ARHGDIA: variants seen among roughly 807,000 people sequenced by gnomAD.
ARHGDIA encodes rho GDP-dissociation inhibitor 1.
ARHGDIA carries 9 observed loss-of-function variants against 25.0 expected under a neutral mutation model. The ratio of observed to expected loss-of-function variants is 0.36; its 90% CI spans 0.22 to 0.63. The LOEUF (loss-of-function observed/expected upper bound fraction) is 0.63, where lower values mean the gene tolerates loss of function less well. Ranked by LOEUF, ARHGDIA falls within the 20% of genes least tolerant of loss-of-function variation. The probability of loss-of-function intolerance (pLI) is 0.69; values close to 1 mark genes in which losing one functional copy is unlikely to be tolerated. For missense variants in ARHGDIA, 239 were observed against 264.3 expected (o/e 0.90, Z 0.66); for synonymous variants, 166 against 111.5 (o/e 1.49, Z -3.08).
At position 81,868,423 on chromosome 17, in the gene ARHGDIA, G is replaced by T. The variant is rs923534695; in HGVS notation, c.*453C>A. On this transcript the variant is annotated 3_prime_UTR_variant, in exon 6 of 6. Coordinates refer to ENST00000269321, the MANE Select transcript of ARHGDIA (RefSeq NM_004309.6). The stretch of plus-strand genomic sequence containing the variant: ...ACAAGGGGGCTGGCCAGGGAGCAGC[G>T]GGGCTGGAGGACGGCCCGGCCCCCA... 6.9e-7 allele frequency: 1 copy of T among 1,456,576 alleles called. No individual in the cohort carries two copies. The allele number at this position is 1,456,576 out of a possible 1,614,324, so 90.2% of individuals were successfully genotyped here.
Position 81,868,702 on chromosome 17 carries a change from C to T in ARHGDIA, c.*174G>A, listed in dbSNP as rs1003613126. 1 of 1,530,800 alleles carries T rather than the reference C, an allele frequency of 6.5e-7. No homozygotes were observed. The highest frequency in any genetic ancestry group is 8.7e-7 in the Non-Finnish European group (1 of 1,145,074). 94.8% of individuals were successfully genotyped at this position (1,530,800 alleles called of 1,614,324 possible). A position where few individuals can be genotyped will look rare whatever the true frequency, so the allele number is the denominator to read the frequency against. ...GGCTGGGCCTGTGGGTGGGGGAGGGCTGAGGAGGGGGGTCGGAGGCACTCG... is the reference window on the plus strand; with the variant it reads ...GGCTGGGCCTGTGGGTGGGGGAGGGTTGAGGAGGGGGGTCGGAGGCACTCG... On this transcript the variant is annotated 3_prime_UTR_variant, in exon 6 of 6. Coordinates refer to ENST00000269321, the MANE Select transcript of ARHGDIA (RefSeq NM_004309.6).
chr17:81,869,874 C>G lies in ARHGDIA; in HGVS notation c.57G>C (p.Glu19Asp), dbSNP rs767577994. 6.2e-7 allele frequency: 1 copy of G among 1,614,102 alleles called. No homozygotes were observed. The highest frequency in any genetic ancestry group is 1.1e-5 in the South Asian group (1 of 91,082). ...EQLAQIAAEN[E>D]EDEHSVNYKP... is the part of the protein sequence containing the mutation. ...TGTAGTTGACCGAGTGCTCATCCTC[C>G]TCGTTCTCCGCTGCAATCTGGGCCA... Residue 19 changes from glutamate to aspartate, a missense_variant, in exon 2 of 6, where the codon GAG (glutamate) becomes GAC (aspartate). This residue lies in a region of ARHGDIA where 135 missense variants were observed against 119.8 expected (regional missense o/e 1.13). Coordinates refer to ENST00000269321, the MANE Select transcript of ARHGDIA (RefSeq NM_004309.6).
chr17:81,868,310 T>C lies in ARHGDIA; in HGVS notation c.*566A>G. The C allele has an allele frequency of 7.1e-7, 1 of 1,400,488 alleles. No homozygotes were observed. The allele number at this position is 1,400,488 out of a possible 1,614,324, so 86.8% of individuals were successfully genotyped here. ...GGGAAGGGACGGGGAGGCCACATGC[T>C]CATGCAGACACAGGGAGTTAGAGGC... On this transcript the variant is annotated 3_prime_UTR_variant, in exon 6 of 6. Transcript: ENST00000269321.
At position 81,869,916 on chromosome 17, in the gene ARHGDIA, C is replaced by G. The variant is rs775469232; in HGVS notation, c.15G>C (p.Glu5Asp). 4 of 1,613,546 alleles carry G rather than the reference C, an allele frequency of 2.5e-6. No homozygotes were observed. The South Asian group carries it at 4.4e-5, about 18-fold the overall frequency. Residue 5 changes from glutamate to aspartate, a missense_variant, in exon 2 of 6, where the codon GAG becomes GAC. Physicochemically the swap from Glu to Asp is conservative, Grantham distance 45. Coordinates refer to ENST00000269321, the MANE Select transcript of ARHGDIA (RefSeq NM_004309.6). MAEQEPTAEQLAQIA... is the reference protein window; with the variant it reads MAEQDPTAEQLAQIA... ...TCTGGGCCAGCTGCTCGGCTGTGGG[C>G]TCCTGCTCAGCCATGCTCAAGCTTA...
At chr17:81,870,003 A>C in intron 1 of ARHGDIA, 46 bp from the exon 2 acceptor site, 4 of 1,568,934 alleles carry the variant, frequency 2.5e-6, no homozygotes, top group Non-Finnish European at 3.5e-6. Context: ...TCCCCAACGG[A>C]GGCGCACTTC....
Position 81,869,726 on chromosome 17 carries a change from G to A in ARHGDIA, c.190+15C>T. 1 of 1,606,536 alleles carries A rather than the reference G, an allele frequency of 6.2e-7. No individual in the cohort carries two copies. The highest frequency in any genetic ancestry group is 2.2e-5 in the East Asian group (1 of 44,674). The stretch of plus-strand genomic sequence containing the variant: ...GTGAACGGGCGGCCACCCGGCTCCC[G>A]CAGCCCAGACTCACCTGCGGAAACG... On this transcript the variant is annotated intron_variant, in intron 2 of 5. Coordinates refer to ENST00000269321, the MANE Select transcript of ARHGDIA (RefSeq NM_004309.6).
chr17:81,871,083 C>G lies in ARHGDIA; in HGVS notation c.-28+215G>C, dbSNP rs2039282891. 3 of 148,194 alleles carry G rather than the reference C, an allele frequency of 2.0e-5. No individual in the cohort carries two copies. In the South Asian group the frequency reaches 5.8e-4, roughly 28 times the overall value. The allele number at this position is 148,194 out of a possible 1,614,324, so 9.2% of individuals were successfully genotyped here. A position where few individuals can be genotyped will look rare whatever the true frequency, so the allele number is the denominator to read the frequency against. ...CCGCACGTGGGGCCGGGGCCGCCGC[C>G]GCCCGGTCCCGCCCCGGCCCCGCCC... On this transcript the variant is annotated intron_variant, in intron 1 of 5. Transcript: ENST00000269321.
intron 1 of ARHGDIA, chr17:81,870,980 G>A (rs1313584559): frequency 1.3e-5 from 2 of 150,618 alleles, no homozygotes; most frequent in Admixed American, 6.6e-5. Flanking sequence ...ACGCGCCTCG[G>A]CGGCCATGAA....
rs562000594 is a variant in ARHGDIA, at chr17:81,868,588, G to T, written c.*288C>A. ...GGGTGTGACGGGGAGATAGAACCTG[G>T]GGGGCACAGAAAGGGCAGCAGAGGC... On this transcript the variant is annotated 3_prime_UTR_variant, in exon 6 of 6. Coordinates refer to ENST00000269321, the MANE Select transcript of ARHGDIA (RefSeq NM_004309.6). The T allele has an allele frequency of 1.3e-6, 2 of 1,535,532 alleles. No individual in the cohort carries two copies. Among genetic ancestry groups the T allele is most frequent in the South Asian group, 1.2e-5 (1 of 84,046 alleles).
At position 81,869,601 on chromosome 17, in the gene ARHGDIA, A is replaced by G; in HGVS notation, c.215T>C (p.Val72Ala). 2 of 1,523,138 alleles carry G rather than the reference A, an allele frequency of 1.3e-6. No individual in the cohort carries two copies. The highest frequency in any genetic ancestry group is 2.3e-5 in the East Asian group (1 of 42,928). 94.4% of individuals were successfully genotyped at this position (1,523,138 alleles called of 1,614,324 possible). The stretch of plus-strand genomic sequence containing the variant: ...GCTGCACACCAGGGTCAGGCCAGTC[A>G]CCACGACGTTGGGGACGTTGGGGTC... The part of the protein sequence containing the change: ...SADPNVPNVV[V>A]TGLTLVCSSA... Residue 72 changes from valine (V) to alanine (A), a missense_variant, in exon 3 of 6, where the codon GTG becomes GCG. Physicochemically the swap from Val to Ala is moderately conservative, Grantham distance 64. This residue lies in a region of ARHGDIA where 135 missense variants were observed against 119.8 expected (regional missense o/e 1.13). Transcript: ENST00000269321.
Position 81,869,880 on chromosome 17 carries a change from C to G in ARHGDIA, c.51G>C (p.Glu17Asp). ...TAEQLAQIAA[E>D]NEEDEHSVNY... The stretch of plus-strand genomic sequence containing the variant: ...TGACCGAGTGCTCATCCTCCTCGTT[C>G]TCCGCTGCAATCTGGGCCAGCTGCT... The change falls in exon 2 of 6, where the codon GAG (glutamate) becomes GAC (aspartate). Residue 17 changes from glutamate to aspartate, a missense_variant. This residue lies in a region of ARHGDIA where 135 missense variants were observed against 119.8 expected (regional missense o/e 1.13). Coordinates refer to ENST00000269321, the MANE Select transcript of ARHGDIA (RefSeq NM_004309.6). 1 of 1,614,036 alleles carries G rather than the reference C, an allele frequency of 6.2e-7. No homozygotes were observed. The highest frequency in any genetic ancestry group is 8.5e-7 in the Non-Finnish European group (1 of 1,180,008).
At position 81,868,710 on chromosome 17, in the gene ARHGDIA, G is replaced by A. The variant is rs1448571301; in HGVS notation, c.*166C>T. Reference sequence around the variant, plus strand: ...CTGTGGGTGGGGGAGGGCTGAGGAGGGGGGTCGGAGGCACTCGGTTGAGCC... The same window carrying A: ...CTGTGGGTGGGGGAGGGCTGAGGAGAGGGGTCGGAGGCACTCGGTTGAGCC... On this transcript the variant is annotated 3_prime_UTR_variant, in exon 6 of 6. Coordinates refer to ENST00000269321, the MANE Select transcript of ARHGDIA (RefSeq NM_004309.6). 2.5e-5 allele frequency: 39 copies of A among 1,533,576 alleles called. No individual in the cohort carries two copies. Among genetic ancestry groups the A allele is most frequent in the East Asian group, 1.5e-4 (6 of 40,910 alleles). The allele number at this position is 1,533,576 out of a possible 1,614,324, so 95.0% of individuals were successfully genotyped here. A position where few individuals can be genotyped will look rare whatever the true frequency, so the allele number is the denominator to read the frequency against.
At chr17:81,870,732 GC>G (rs2039268335) in intron 1 of ARHGDIA, 1 of 152,264 alleles carries the variant, frequency 6.6e-6, no homozygotes, top group South Asian at 2.1e-4. Context: ...GGTCCAGGCC[GC>G]CCTGCTTCCT....
rs779910117 is a variant in ARHGDIA at position 81,868,773 on chromosome 17, G to C, written c.*103C>G. On this transcript the variant is annotated 3_prime_UTR_variant, in exon 6 of 6. Transcript: ENST00000269321. Reference sequence around the variant, plus strand: ...CGGACCAGGGTGGGAGGGGCACGGAGGGCCTGTCAGCACTTTGGTATGGGG... The same window carrying C: ...CGGACCAGGGTGGGAGGGGCACGGACGGCCTGTCAGCACTTTGGTATGGGG... The C allele has an allele frequency of 1.3e-6, 2 of 1,554,974 alleles. No individual in the cohort carries two copies. Among genetic ancestry groups the C allele is most frequent in the Non-Finnish European group, 1.7e-6 (2 of 1,151,994 alleles).
chr17:81,869,707 G>C (rs770161797), intron 2 of ARHGDIA, 34 bp downstream of exon 2: 4 of 1,592,678 alleles, frequency 2.5e-6, no homozygotes, highest in Admixed American at 3.5e-5. Flanking sequence ...TGGAGTGAAC[G>C]GGCGGCCACC....
chr17:81,870,890 C>G (rs1351213239), intron 1 of ARHGDIA: 3 of 151,690 alleles, frequency 2.0e-5, no homozygotes, highest in Non-Finnish European at 4.4e-5. Context: ...CGCGTCGCCC[C>G]CGAACGCGAT....
At position 81,868,736 on chromosome 17, in the gene ARHGDIA, A is replaced by G. The variant is rs1230807206; in HGVS notation, c.*140T>C. On this transcript the variant is annotated 3_prime_UTR_variant, in exon 6 of 6. Coordinates refer to ENST00000269321, the MANE Select transcript of ARHGDIA (RefSeq NM_004309.6). ...GGGGTCGGAGGCACTCGGTTGAGCCAGGCCAGGGAGGCGGACCAGGGTGGG... is the reference window on the plus strand; with the variant it reads ...GGGGTCGGAGGCACTCGGTTGAGCCGGGCCAGGGAGGCGGACCAGGGTGGG... 2 of 1,478,874 alleles carry G rather than the reference A, an allele frequency of 1.4e-6. No homozygotes were observed. The highest frequency in any genetic ancestry group is 1.8e-6 in the Non-Finnish European group (2 of 1,115,302). 91.6% of individuals were successfully genotyped at this position (1,478,874 alleles called of 1,614,324 possible).
At position 81,869,898 on chromosome 17, in the gene ARHGDIA, C is replaced by T. The variant is rs746451842; in HGVS notation, c.33G>A (p.Leu11=). 1.2e-6 allele frequency: 2 copies of T among 1,613,938 alleles called. No individual in the cohort carries two copies. The highest frequency in any genetic ancestry group is 1.3e-5 in the African/African-American group (1 of 75,068). MAEQEPTAEQ[L]AQIAAENEED... is the part of the protein sequence containing the mutation. ...CCTCGTTCTCCGCTGCAATCTGGGC[C>T]AGCTGCTCGGCTGTGGGCTCCTGCT... is the stretch of plus-strand genomic sequence containing the variant. Residue 11 remains leucine, a synonymous_variant, in exon 2 of 6, where the codon CTG becomes CTA. Coordinates refer to ENST00000269321, the MANE Select transcript of ARHGDIA (RefSeq NM_004309.6).
chr17:81,868,317 G>A lies in ARHGDIA; in HGVS notation c.*559C>T, dbSNP rs2039113279. 13 of 1,412,252 alleles carry A rather than the reference G, an allele frequency of 9.2e-6. No individual in the cohort carries two copies. Among genetic ancestry groups the A allele is most frequent in the Non-Finnish European group, 1.2e-5 (13 of 1,082,424 alleles). 87.5% of individuals were successfully genotyped at this position (1,412,252 alleles called of 1,614,324 possible). A position where few individuals can be genotyped will look rare whatever the true frequency, so the allele number is the denominator to read the frequency against. On this transcript the variant is annotated 3_prime_UTR_variant, in exon 6 of 6. Coordinates refer to ENST00000269321, the MANE Select transcript of ARHGDIA (RefSeq NM_004309.6). Reference sequence around the variant, plus strand: ...GACGGGGAGGCCACATGCTCATGCAGACACAGGGAGTTAGAGGCTAGTGAG... The same window carrying A: ...GACGGGGAGGCCACATGCTCATGCAAACACAGGGAGTTAGAGGCTAGTGAG...
Sources: allele counts gnomAD v4.1 joint callset, GRCh38; gene constraint gnomAD v4.1.1; regional missense constraint gnomAD v4.1.1; transcripts MANE v1.5; gene names NCBI Gene and HGNC (gene_info 2026-07-23, HGNC 2026-07-21).